CYTH3: variants seen among roughly 807,000 people sequenced by gnomAD.
CYTH3 encodes the protein cytohesin 3.
CYTH3 carries 23 observed loss-of-function variants against 55.1 expected under a neutral mutation model. That is an observed-to-expected ratio of 0.42 (90% CI 0.30 to 0.59). The LOEUF is 0.59. CYTH3 is among the 20% of genes least tolerant of loss of function. The probability of loss-of-function intolerance (pLI) is 0.20; values close to 1 mark genes in which losing one functional copy is unlikely to be tolerated. For missense variants in CYTH3, 413 were observed against 524.8 expected, an observed-to-expected ratio of 0.79 and a Z score of 2.08; for synonymous variants, 249 against 194.9, an observed-to-expected ratio of 1.28 and a Z score of -2.31.
At chr7:6,249,259 T>A (rs999795613) in intron 1 of CYTH3, among the ~76,000 whole-genome samples, 1 of 152,180 alleles carries the variant, frequency 6.6e-6, no homozygotes, top group African/African-American at 2.4e-5. Context: ...GGCCCTTTAC[T>A]GGAGAAGCCG....
intron 1 of CYTH3, among the ~76,000 whole-genome samples, chr7:6,271,993 G>T (rs576284803): frequency 6.6e-6 from 1 of 151,988 alleles, no homozygotes; most frequent in South Asian, 2.1e-4. Context: ...CTGCCCTCCC[G>T]TCCTGTACAC....
chr7:6,174,269 C>G (rs1386959020), intron 5 of CYTH3, among the ~76,000 whole-genome samples: 1 of 152,046 alleles, frequency 6.6e-6, no homozygotes, highest in Non-Finnish European at 1.5e-5. Flanking sequence ...CATGCGCCAC[C>G]ATGCCCGGCT....
At chr7:6,186,341 C>T (rs1783649119) in intron 4 of CYTH3, among the ~76,000 whole-genome samples, 1 of 152,062 alleles carries the variant, frequency 6.6e-6, no homozygotes, top group African/African-American at 2.4e-5. Context: ...CACGCCGTTC[C>T]TCTCCTCAAC....
chr7:6,261,594 T>C (rs1428681372), intron 1 of CYTH3, among the ~76,000 whole-genome samples: 1 of 148,312 alleles, frequency 6.7e-6, no homozygotes, highest in Non-Finnish European at 1.5e-5. Context: ...CATGTGCCTG[T>C]AGTCCCAGCT....
intron 1 of CYTH3, among the ~76,000 whole-genome samples, chr7:6,225,599 A>G (rs1178499664): frequency 6.6e-6 from 1 of 151,802 alleles, no homozygotes; most frequent in East Asian, 1.9e-4. Flanking sequence ...CAGGTGATCC[A>G]CCCACCTTGG....
chr7:6,193,840 G>A (rs1583770218), intron 1 of CYTH3, among the ~76,000 whole-genome samples: 1 of 152,166 alleles, frequency 6.6e-6, no homozygotes, highest in East Asian at 1.9e-4. Context: ...AAACAGGGGT[G>A]AGAGATAAAA....
intron 1 of CYTH3, among the ~76,000 whole-genome samples, chr7:6,223,147 C>G (rs1170961244): frequency 1.3e-5 from 2 of 151,998 alleles, no homozygotes; most frequent in African/African-American, 4.8e-5. Context: ...GCGCCTCTGC[C>G]CGGCCGCCCC....
intron 1 of CYTH3, among the ~76,000 whole-genome samples, chr7:6,247,925 C>T (rs142419379): frequency 6.6e-6 from 1 of 152,114 alleles, no homozygotes; most frequent in Non-Finnish European, 1.5e-5. Context: ...TCTCAGCCTC[C>T]CAAAGCGCTG....
chr7:6,221,969 A>C (rs953262152), intron 1 of CYTH3, among the ~76,000 whole-genome samples: 1 of 152,176 alleles, frequency 6.6e-6, no homozygotes, highest in Admixed American at 6.5e-5. Flanking sequence ...AAAACAAAAA[A>C]AACTAAAAAA....
At position 6,269,881 on chromosome 7, in the gene CYTH3, C is replaced by G. The variant is rs1490430716; in HGVS notation, c.34+2593G>C. Among the ~76,000 whole-genome samples the G allele has an allele frequency of 2.0e-5, 3 of 152,116 alleles. No homozygotes were observed. The South Asian group carries it at 6.2e-4, about 31-fold the overall frequency. Reference sequence around the variant, plus strand: ...AACCTGACCATTAACAAAAAAAAGACCTTTTCAATTATCTTTGGCTTCTAC... The same window carrying G: ...AACCTGACCATTAACAAAAAAAAGAGCTTTTCAATTATCTTTGGCTTCTAC... On this transcript the variant is annotated intron_variant, in intron 1 of 12. Coordinates refer to ENST00000350796, the MANE Select transcript of CYTH3 (RefSeq NM_004227.4).
intron 1 of CYTH3, among the ~76,000 whole-genome samples, chr7:6,196,411 A>C (rs1783929290): frequency 6.6e-6 from 1 of 151,582 alleles, no homozygotes; most frequent in South Asian, 2.1e-4. Context: ...AATCTTCAAA[A>C]CTATTACTCT....
At chr7:6,165,693 G>A (rs1309667905) in intron 10 of CYTH3, 41 bp downstream of exon 10, 13 of 1,613,574 alleles carry the variant, frequency 8.1e-6, no homozygotes, top group Non-Finnish European at 1.1e-5. Context: ...GGCAGCTCCG[G>A]GACTGCTGGG....
chr7:6,216,794 T>C (rs1784437687), intron 1 of CYTH3, among the ~76,000 whole-genome samples: 1 of 145,944 alleles, frequency 6.9e-6, no homozygotes, highest in South Asian at 2.1e-4. Context: ...CACACACATA[T>C]GTCAAACTGG....
At chr7:6,217,670 C>T (rs1784457064) in intron 1 of CYTH3, among the ~76,000 whole-genome samples, 1 of 152,106 alleles carries the variant, frequency 6.6e-6, no homozygotes, top group Non-Finnish European at 1.5e-5. Context: ...TAGAGAAGAA[C>T]TCACCACCAC....
chr7:6,241,843 G>A (rs985363848), intron 1 of CYTH3, among the ~76,000 whole-genome samples: 2 of 152,136 alleles, frequency 1.3e-5, no homozygotes, highest in African/African-American at 2.4e-5. Flanking sequence ...TCTGTGTAGC[G>A]AAATGATCTC....
At chr7:6,211,276 A>G (rs988657090) in intron 1 of CYTH3, among the ~76,000 whole-genome samples, 1 of 152,186 alleles carries the variant, frequency 6.6e-6, no homozygotes, top group African/African-American at 2.4e-5. Flanking sequence ...TCCCTGCACA[A>G]TCGCTTTCTA....
At chr7:6,247,841 G>T (rs577177394) in intron 1 of CYTH3, among the ~76,000 whole-genome samples, 1 of 151,704 alleles carries the variant, frequency 6.6e-6, no homozygotes, top group African/African-American at 2.4e-5. Context: ...TTGTAGAGAC[G>T]GAGGGCTTAC....
chr7:6,226,773 C>T (rs1779262476), intron 1 of CYTH3, among the ~76,000 whole-genome samples: 2 of 152,002 alleles, frequency 1.3e-5, no homozygotes, highest in East Asian at 1.9e-4. Context: ...TTTTAAAGTC[C>T]TAGAGACTGG....
At chr7:6,175,498 G>A (rs2128539326) in intron 5 of CYTH3, among the ~76,000 whole-genome samples, 1 of 144,964 alleles carries the variant, frequency 6.9e-6, no homozygotes, top group Admixed American at 6.8e-5. Context: ...ATTTATGTAT[G>A]TGTATCCTTA....
Sources: gnomAD v4.1 joint callset for allele counts (sites outside exome capture counted in the v4.1 genomes callset) on GRCh38, gnomAD v4.1.1 for gene constraint, MANE v1.5 for transcripts, NCBI Gene and HGNC (gene_info 2026-07-23, HGNC 2026-07-21) for gene names.